R3HDM1: variants seen among roughly 807,000 people sequenced by gnomAD.
R3HDM1 encodes R3H domain containing 1, also known as R3H domain-containing protein 1.
In R3HDM1, 46 loss-of-function variants were observed where a neutral mutation model predicts 141.1. The ratio of observed to expected loss-of-function variants is 0.33; its 90% CI spans 0.26 to 0.42. The LOEUF (loss-of-function observed/expected upper bound fraction) is 0.42, where lower values mean the gene tolerates loss of function less well. Ranked by LOEUF, R3HDM1 falls within the 10% of genes least tolerant of loss-of-function variation. The probability of loss-of-function intolerance (pLI) is 1.00; values close to 1 mark genes in which losing one functional copy is unlikely to be tolerated. For synonymous variants in R3HDM1, 435 were observed against 472.9 expected (o/e 0.92, Z 1.04); for missense variants, 1,184 against 1,368.3 (o/e 0.87, Z 2.12).
intron 19 of R3HDM1, among the ~76,000 whole-genome samples, chr2:135,665,768 T>C (rs1362309056): frequency 3.9e-5 from 6 of 152,206 alleles, no homozygotes; most frequent in Non-Finnish European, 8.8e-5. Flanking sequence ...CCAAACTCAT[T>C]AGCAGAAGTC....
chr2:135,650,033 G>C, intron 17 of R3HDM1, 30 bp downstream of exon 17: 1 of 1,199,166 alleles, frequency 8.3e-7, no homozygotes, highest in Non-Finnish European at 1.1e-6. Context: ...CTCCTGCGTT[G>C]TTTCTGTGGG....
intron 3 of R3HDM1, among the ~76,000 whole-genome samples, chr2:135,611,570 TA>T (rs1464940280): frequency 2.0e-5 from 3 of 152,146 alleles, no homozygotes; most frequent in African/African-American, 7.2e-5. Context: ...TAAAACAGAG[TA>T]AAACTTAATT....
At chr2:135,690,074 G>A (rs2072081560) in intron 21 of R3HDM1, among the ~76,000 whole-genome samples, 1 of 151,930 alleles carries the variant, frequency 6.6e-6, no homozygotes, top group Admixed American at 6.6e-5. Context: ...ATGAAATTAT[G>A]AAAAAGAAAA....
intron 1 of R3HDM1, among the ~76,000 whole-genome samples, chr2:135,543,730 C>T (rs1273006093): frequency 1.3e-5 from 2 of 152,212 alleles, no homozygotes; most frequent in Admixed American, 1.3e-4. Flanking sequence ...TAATGTCTGG[C>T]TTAACCGAAG....
intron 7 of R3HDM1, among the ~76,000 whole-genome samples, chr2:135,629,483 A>G (rs2062414943): frequency 6.6e-6 from 1 of 152,250 alleles, no homozygotes; most frequent in Admixed American, 6.5e-5. Context: ...TAATTTTACT[A>G]ATTTATTCCA....
At position 135,724,259 on chromosome 2, in the gene R3HDM1, C is replaced by T. The variant is rs747509044; in HGVS notation, c.3372C>T (p.Asp1124=). 3.7e-6 allele frequency: 6 copies of T among 1,613,302 alleles called. No homozygotes were observed. The East Asian group carries it at 1.3e-4, about 36-fold the overall frequency. Residue 1124 remains aspartate (D), a synonymous_variant, in exon 27 of 27, where the codon GAC becomes GAT. Transcript: ENST00000683871. ...FKLRTSKKHY[D]FHILERASSQ ...TGAGAACAAGCAAGAAGCACTATGACTTTCACATTTTGGAAAGGGCAAGTT... is the reference window on the plus strand; with the variant it reads ...TGAGAACAAGCAAGAAGCACTATGATTTTCACATTTTGGAAAGGGCAAGTT...
At chr2:135,591,399 C>A (rs1709241474) in intron 1 of R3HDM1, among the ~76,000 whole-genome samples, 1 of 152,110 alleles carries the variant, frequency 6.6e-6, no homozygotes. Flanking sequence ...GAAAATACCA[C>A]ATCAAAGTCT....
chr2:135,598,338 A>C (rs1005738051), intron 1 of R3HDM1, among the ~76,000 whole-genome samples: 1 of 152,210 alleles, frequency 6.6e-6, no homozygotes, highest in South Asian at 2.1e-4. Flanking sequence ...CCATTAATAC[A>C]AAGTTAATAG....
rs984113757 is a variant in R3HDM1, at chr2:135,536,487, G to T, written c.-250+4854G>T. The T allele has an allele frequency of 4.5e-6, 4 of 891,250 alleles. No individual in the cohort carries two copies. The African/African-American group carries it at 7.2e-5, about 16-fold the overall frequency. The allele number at this position is 891,250 out of a possible 1,614,324, so 55.2% of individuals were successfully genotyped here. On this transcript the variant is annotated intron_variant, in intron 1 of 26. Transcript: ENST00000683871. ...GGATTGCACAGCATGTTTAAATCAT[G>T]TTTGCTTTACTAAAGTTTTTATCTA...
Position 135,724,040 on chromosome 2 carries a change from G to A in R3HDM1, c.3153G>A (p.Arg1051=). The change falls in exon 27 of 27, where the codon CGG becomes CGA. Residue 1051 remains arginine (R), a synonymous_variant. Transcript: ENST00000683871. ...TCTTTAAAATTGGCGCCAAGATCCG[G>A]TGGCTCCGGGACCCCCAGTCCCAAC... ...GELFKIGAKI[R]WLRDPQSQPR... 1.2e-6 allele frequency: 2 copies of A among 1,614,016 alleles called. No individual in the cohort carries two copies. Among genetic ancestry groups the A allele is most frequent in the Non-Finnish European group, 1.7e-6 (2 of 1,179,990 alleles).
chr2:135,540,347 T>C (rs1285556152), intron 1 of R3HDM1, among the ~76,000 whole-genome samples: 3 of 152,234 alleles, frequency 2.0e-5, no homozygotes, highest in African/African-American at 7.2e-5. Flanking sequence ...CTTGTTGATA[T>C]TTTGTAACTT....
At chr2:135,716,963 CAAACAAAA>C (rs977335322) in intron 24 of R3HDM1, among the ~76,000 whole-genome samples, 6 of 32,930 alleles carry the variant, frequency 1.8e-4, no homozygotes, top group Admixed American at 1.8e-3. Context: ...AAACAAAAAA[CAAACAAAA>C]AAACAAACAA....
intron 14 of R3HDM1, among the ~76,000 whole-genome samples, chr2:135,641,255 G>A (rs990515728): frequency 2.6e-5 from 4 of 152,056 alleles, no homozygotes; most frequent in African/African-American, 9.7e-5. Flanking sequence ...GGGAATGTGG[G>A]TAATGTGCTT....
intron 16 of R3HDM1, among the ~76,000 whole-genome samples, chr2:135,646,431 G>A (rs550504871): frequency 1.1e-4 from 17 of 150,438 alleles, no homozygotes; most frequent in African/African-American, 2.2e-4. Context: ...CACCGCGCCC[G>A]GCCTATTCTA....
rs1430345926 is a variant in R3HDM1, at chr2:135,645,413, T to C, written c.1509T>C (p.Val503=). Residue 503 remains valine, a synonymous_variant, in exon 16 of 27, where the codon GTT becomes GTC. Coordinates refer to ENST00000683871, the MANE Select transcript of R3HDM1 (RefSeq NM_001378107.1). ...QPFINPDGSP[V]VYNPPMTQQP... is the part of the protein sequence containing the mutation. The stretch of plus-strand genomic sequence containing the variant: ...TCATAAACCCAGATGGGAGTCCAGT[T>C]GTGTATAATCCTCCTATGACTCAAC... 1.9e-6 allele frequency: 3 copies of C among 1,612,718 alleles called. No homozygotes were observed. The highest frequency in any genetic ancestry group is 2.5e-6 in the Non-Finnish European group (3 of 1,178,800).
In R3HDM1 at chr2:135,724,072, G is replaced by A. The variant is rs143951307; in HGVS notation, c.3185G>A (p.Arg1062His). The part of the protein sequence containing the change: ...WLRDPQSQPR[R>H]HPLCCGSGDN... ...CGGGACCCCCAGTCCCAACCACGTCGTCACCCCCTCTGCTGTGGCAGTGGG... is the reference window on the plus strand; with the variant it reads ...CGGGACCCCCAGTCCCAACCACGTCATCACCCCCTCTGCTGTGGCAGTGGG... The change falls in exon 27 of 27, where the codon CGT (arginine) becomes CAT (histidine). Residue 1062 changes from arginine to histidine, a missense_variant. Physicochemically the swap from Arg to His is conservative, Grantham distance 29 (BLOSUM62 0). This residue lies in a region of R3HDM1 where 182 missense variants were observed against 252.6 expected (regional missense o/e 0.72). Transcript: ENST00000683871. 1.2e-4 allele frequency: 189 copies of A among 1,613,970 alleles called. No individual in the cohort carries two copies. Among genetic ancestry groups the A allele is most frequent in the Non-Finnish European group, 8.3e-5 (98 of 1,180,010 alleles).
At chr2:135,549,325 C>T (rs888884628) in intron 1 of R3HDM1, among the ~76,000 whole-genome samples, 1 of 151,834 alleles carries the variant, frequency 6.6e-6, no homozygotes, top group Non-Finnish European at 1.5e-5. Flanking sequence ...GAGGCAGAGG[C>T]AGGTGGATCA....
chr2:135,699,398 A>AAG (rs901671595), intron 21 of R3HDM1, among the ~76,000 whole-genome samples: 2 of 152,218 alleles, frequency 1.3e-5, no homozygotes, highest in Non-Finnish European at 2.9e-5. Context: ...TGCAAGGGAC[A>AAG]AGAGAGAGAG....
chr2:135,674,776 G>T (rs1298014046), intron 19 of R3HDM1, among the ~76,000 whole-genome samples: 1 of 151,748 alleles, frequency 6.6e-6, no homozygotes, highest in Non-Finnish European at 1.5e-5. Context: ...AACTCCATTT[G>T]CCTGTGTCTT....
Sources: gnomAD v4.1 joint callset for allele counts (sites outside exome capture counted in the v4.1 genomes callset) on GRCh38, gnomAD v4.1.1 for gene constraint, gnomAD v4.1.1 regional missense constraint, MANE v1.5 for transcripts, NCBI Gene and HGNC (gene_info 2026-07-23, HGNC 2026-07-21) for gene names.